VSTM4: variants seen among roughly 807,000 people sequenced by gnomAD.
The protein encoded by VSTM4 is V-set and transmembrane domain-containing protein 4.
Under a neutral mutation model 36.4 loss-of-function variants are expected in VSTM4, and 20 were observed. That is an observed-to-expected ratio of 0.55 (90% CI 0.39 to 0.80). The LOEUF (loss-of-function observed/expected upper bound fraction) is 0.80. Ranked by LOEUF, VSTM4 falls within the 30% of genes least tolerant of loss-of-function variation. The pLI is 0.00. For missense variants in VSTM4, 392 were observed against 404.5 expected, an observed-to-expected ratio of 0.97 and a Z score of 0.26; for synonymous variants, 182 against 173.9, an observed-to-expected ratio of 1.05 and a Z score of -0.37.
intron 4 of VSTM4, among the ~76,000 whole-genome samples, chr10:49,069,657 C>T (rs376313054): frequency 5.9e-5 from 9 of 152,194 alleles, no homozygotes; most frequent in Admixed American, 4.6e-4. Flanking sequence ...AGGAATGAGT[C>T]CTGCCTGGAC....
chr10:49,101,826 T>C (rs1287403105), intron 2 of VSTM4, among the ~76,000 whole-genome samples: 1 of 152,254 alleles, frequency 6.6e-6, no homozygotes, highest in Admixed American at 6.5e-5. Context: ...CACTGGAAGA[T>C]TCCTAAGTGT....
At chr10:49,073,398 T>C (rs1844117206) in intron 4 of VSTM4, among the ~76,000 whole-genome samples, 2 of 152,198 alleles carry the variant, frequency 1.3e-5, no homozygotes, top group Non-Finnish European at 2.9e-5. Flanking sequence ...TCTGGGCAAT[T>C]TGCCACTGCT....
chr10:49,085,969 CAA>C lies in VSTM4; in HGVS notation c.510_511del (p.Trp171GlyfsTer4). 6.3e-7 allele frequency: 1 copy of C among 1,588,492 alleles called. No homozygotes were observed. Among genetic ancestry groups the C allele is most frequent in the South Asian group, 1.2e-5 (1 of 84,828 alleles). On this transcript the variant is annotated frameshift_variant, in exon 3 of 8. Coordinates refer to ENST00000332853, the MANE Select transcript of VSTM4 (RefSeq NM_001031746.5). LOFTEE classifies it high-confidence loss of function. Reference sequence around the variant, plus strand: ...ACAAGCTTTACCTTCAAAAAATGCCCAAGTCTCTTTTGTTTTCTCAAAGGATG... The same window carrying C: ...ACAAGCTTTACCTTCAAAAAATGCCCGTCTCTTTTGTTTTCTCAAAGGATG...
chr10:49,031,621 C>G (rs1382773664), intron 7 of VSTM4, among the ~76,000 whole-genome samples: 13 of 152,306 alleles, frequency 8.5e-5, no homozygotes, highest in Non-Finnish European at 7.4e-5. Context: ...ACACATCTGG[C>G]TATTTTATTT....
chr10:49,093,833 C>T (rs1844522337), intron 2 of VSTM4, among the ~76,000 whole-genome samples: 1 of 150,294 alleles, frequency 6.7e-6, no homozygotes, highest in African/African-American at 2.5e-5. Flanking sequence ...CTGCAAGCTC[C>T]TCTTCCCGGG....
At chr10:49,087,122 T>C (rs1237595822) in intron 2 of VSTM4, among the ~76,000 whole-genome samples, 1 of 152,246 alleles carries the variant, frequency 6.6e-6, no homozygotes, top group Non-Finnish European at 1.5e-5. Flanking sequence ...TATTGACATA[T>C]CTTCCAAATC....
At chr10:49,112,694 T>C in intron 1 of VSTM4, among the ~76,000 whole-genome samples, 1 of 152,214 alleles carries the variant, frequency 6.6e-6, no homozygotes, top group South Asian at 2.1e-4. Context: ...CACCCCAACA[T>C]GGTTTAATCT....
chr10:49,115,340 G>T, intron 1 of VSTM4, 91 bp downstream of exon 1: 1 of 879,762 alleles, frequency 1.1e-6, no homozygotes, highest in Non-Finnish European at 1.4e-6. Context: ...GAGGTGGCAG[G>T]GCCTCCCCAC....
At chr10:49,058,161 A>AT (rs1843814892) in intron 5 of VSTM4, among the ~76,000 whole-genome samples, 1 of 152,082 alleles carries the variant, frequency 6.6e-6, no homozygotes, top group Admixed American at 6.5e-5. Context: ...TTTCTGTACC[A>AT]TTCATTGCTG....
intron 2 of VSTM4, among the ~76,000 whole-genome samples, chr10:49,099,385 A>C (rs990307487): frequency 6.6e-6 from 1 of 152,180 alleles, no homozygotes; most frequent in Non-Finnish European, 1.5e-5. Flanking sequence ...TTTCCTGCCT[A>C]TATTTCTTAC....
intron 5 of VSTM4, among the ~76,000 whole-genome samples, chr10:49,049,392 A>T (rs1340781312): frequency 6.6e-6 from 1 of 152,004 alleles, no homozygotes; most frequent in African/African-American, 2.4e-5. Context: ...GCAAACATAC[A>T]CTGCTCCGAT....
intron 3 of VSTM4, among the ~76,000 whole-genome samples, chr10:49,078,981 G>A (rs1037956619): frequency 4.0e-5 from 6 of 151,890 alleles, no homozygotes; most frequent in East Asian, 3.9e-4. Flanking sequence ...ACAGGTCCAC[G>A]CCGCCACACC....
chr10:49,095,343 C>A (rs1844550720), intron 2 of VSTM4, among the ~76,000 whole-genome samples: 1 of 152,124 alleles, frequency 6.6e-6, no homozygotes, highest in South Asian at 2.1e-4. Context: ...ATTCACTCCT[C>A]CATCTAAAAA....
rs1843129123 is a variant in VSTM4, at chr10:49,018,116, A to ACT, written c.*1532_*1533dup. ...TTGGACCCTTTCCAATAAACCATAA[A>ACT]CTCTCATGAGTCTTTGGGAACATTA... On this transcript the variant is annotated 3_prime_UTR_variant, in exon 8 of 8. Coordinates refer to ENST00000332853, the MANE Select transcript of VSTM4 (RefSeq NM_001031746.5). The ACT allele has an allele frequency of 6.6e-6, 1 of 152,138 alleles. No individual in the cohort carries two copies. Among genetic ancestry groups the ACT allele is most frequent in the Admixed American group, 6.5e-5 (1 of 15,272 alleles). The allele number at this position is 152,138 out of a possible 1,614,324, so 9.4% of individuals were successfully genotyped here. A position where few individuals can be genotyped will look rare whatever the true frequency, so the allele number is the denominator to read the frequency against.
intron 2 of VSTM4, among the ~76,000 whole-genome samples, chr10:49,106,668 A>G (rs1844788448): frequency 6.6e-6 from 1 of 152,048 alleles, no homozygotes; most frequent in African/African-American, 2.4e-5. Flanking sequence ...AAACCTCCCA[A>G]CGCGTGCCTC....
intron 2 of VSTM4, among the ~76,000 whole-genome samples, chr10:49,094,047 G>A (rs536702439): frequency 4.6e-5 from 7 of 152,274 alleles, no homozygotes; most frequent in Admixed American, 2.0e-4. Context: ...GTGCCCGGCC[G>A]TCATAGTTAC....
intron 2 of VSTM4, among the ~76,000 whole-genome samples, chr10:49,089,998 G>A (rs1844443221): frequency 6.6e-6 from 1 of 152,186 alleles, no homozygotes; most frequent in African/African-American, 2.4e-5. Flanking sequence ...ATTCACCTTG[G>A]TCAACCTTCA....
chr10:49,040,375 C>A (rs538324905), intron 7 of VSTM4, among the ~76,000 whole-genome samples: 1 of 150,686 alleles, frequency 6.6e-6, no homozygotes, highest in East Asian at 2.0e-4. Context: ...CTCCATTTCC[C>A]GGGTTCAAGC....
At chr10:49,095,357 A>T (rs2132012304) in intron 2 of VSTM4, among the ~76,000 whole-genome samples, 1 of 152,126 alleles carries the variant, frequency 6.6e-6, no homozygotes, top group East Asian at 1.9e-4. Context: ...CTAAAAAGTC[A>T]TCATTGGGCC....
Sources: gnomAD v4.1 joint callset for allele counts (sites outside exome capture counted in the v4.1 genomes callset) on GRCh38, gnomAD v4.1.1 for gene constraint, MANE v1.5 for transcripts, NCBI Gene and HGNC (gene_info 2026-07-23, HGNC 2026-07-21) for gene names.